The following ARHGAP32 variants were observed in gnomAD, a reference collection of about 807,000 sequenced individuals.
ARHGAP32 encodes Rho GTPase activating protein 32.
A neutral mutation model predicts 186.5 loss-of-function variants in ARHGAP32; 51 were observed. That is an observed-to-expected ratio of 0.27 (90% CI 0.22 to 0.35). The LOEUF (loss-of-function observed/expected upper bound fraction) is 0.35. Ranked by LOEUF, ARHGAP32 falls within the 10% of genes least tolerant of loss-of-function variation. The pLI is 1.00. For missense variants in ARHGAP32, 2,186 were observed against 2,623.5 expected (o/e 0.83, Z 3.64); for synonymous variants, 950 against 964.3 (o/e 0.99, Z 0.27).
intron 1 of ARHGAP32, among the ~76,000 whole-genome samples, chr11:129,228,773 T>C (rs1818750823): frequency 6.6e-6 from 1 of 152,140 alleles, no homozygotes; most frequent in South Asian, 2.1e-4. Flanking sequence ...ACCTAGGTGA[T>C]GGGTTGACAG....
rs117467787 is a variant in ARHGAP32, at chr11:129,244,249, A to C, written c.-5+34897T>G. Among the ~76,000 whole-genome samples the C allele has an allele frequency of 8.3e-4, 126 of 152,368 alleles. 2 individuals are homozygous for C. The East Asian group carries it at 0.018, about 22-fold the overall frequency. On this transcript the variant is annotated intron_variant, in intron 1 of 6. Coordinates refer to the ARHGAP32 transcript ENST00000525234. The stretch of plus-strand genomic sequence containing the variant: ...ACCCTGTCTCAGAAAAAAAGAAAGA[A>C]AACTGAGTCAGAGAGATAATTAACT...
intron 1 of ARHGAP32, among the ~76,000 whole-genome samples, chr11:129,209,717 C>T (rs1944557370): frequency 6.6e-6 from 1 of 151,248 alleles, no homozygotes; most frequent in Non-Finnish European, 1.5e-5. Flanking sequence ...TACATGATGG[C>T]AAAGAAAGTA....
intron 11 of ARHGAP32, among the ~76,000 whole-genome samples, chr11:129,040,169 T>C (rs1939534499): frequency 6.6e-6 from 1 of 151,772 alleles, no homozygotes; most frequent in African/African-American, 2.4e-5. Context: ...AACTAGAAAA[T>C]ACTATCATAA....
At chr11:129,114,573 G>T (rs1942313323) in intron 5 of ARHGAP32, among the ~76,000 whole-genome samples, 1 of 152,066 alleles carries the variant, frequency 6.6e-6, no homozygotes, top group Admixed American at 6.6e-5. Context: ...GAATATTAAT[G>T]TATTTTATGC....
At chr11:129,241,667 G>A (rs1012265846) in intron 1 of ARHGAP32, among the ~76,000 whole-genome samples, 1 of 151,920 alleles carries the variant, frequency 6.6e-6, no homozygotes, top group African/African-American at 2.4e-5. Flanking sequence ...ACCAAAAACA[G>A]GTAAGTAGAT....
At chr11:128,985,978 C>G (rs1945862158) in intron 15 of ARHGAP32, 25 bp downstream of exon 15, 1 of 1,574,010 alleles carries the variant, frequency 6.4e-7, no homozygotes, top group Non-Finnish European at 8.6e-7. Context: ...CTACCTCTGC[C>G]TGGTATTTAC....
At chr11:129,263,232 T>C (rs1945347720) in intron 1 of ARHGAP32, among the ~76,000 whole-genome samples, 1 of 152,056 alleles carries the variant, frequency 6.6e-6, no homozygotes. Context: ...AAAAATAAAC[T>C]AGACAACATT....
intron 6 of ARHGAP32, among the ~76,000 whole-genome samples, chr11:129,086,029 A>T (rs900956515): frequency 2.0e-5 from 3 of 151,344 alleles, no homozygotes; most frequent in Non-Finnish European, 4.4e-5. Context: ...AAAAAAAAAA[A>T]CAAAAAAAAG....
chr11:129,157,042 A>G (rs1943425330), intron 2 of ARHGAP32, among the ~76,000 whole-genome samples: 1 of 152,206 alleles, frequency 6.6e-6, no homozygotes, highest in African/African-American at 2.4e-5. Context: ...AACATTAACA[A>G]AAAGGACGTA....
At chr11:129,276,382 C>A (rs1315698650) in intron 1 of ARHGAP32, among the ~76,000 whole-genome samples, 1 of 152,138 alleles carries the variant, frequency 6.6e-6, no homozygotes, top group Non-Finnish European at 1.5e-5. Context: ...CTCACTGTAA[C>A]CCCTAATTCC....
intron 6 of ARHGAP32, among the ~76,000 whole-genome samples, chr11:129,069,812 G>T (rs1471062390): frequency 6.6e-6 from 1 of 151,926 alleles, no homozygotes; most frequent in East Asian, 1.9e-4. Context: ...CTGCAATTTG[G>T]TAGGCTCACA....
chr11:128,975,477 T>C (rs953681684), intron 20 of ARHGAP32, among the ~76,000 whole-genome samples: 8 of 152,284 alleles, frequency 5.3e-5, no homozygotes, highest in African/African-American at 1.7e-4. Context: ...TCTAAATAAA[T>C]TGAACTTCTC....
intron 10 of ARHGAP32, among the ~76,000 whole-genome samples, chr11:129,057,695 G>A (rs11825277): frequency 0.041 from 4,888 of 120,448 alleles, 275 homozygotes; most frequent in African/African-American, 0.16. Flanking sequence ...TTTCAATAGC[G>A]TTTGATAAAA....
At position 128,980,533 on chromosome 11, in the gene ARHGAP32, T is replaced by C. The variant is rs376024086; in HGVS notation, c.1976+20A>G. On this transcript the variant is annotated intron_variant, in intron 18 of 22. Transcript: ENST00000682385. ...TAGCTATGAAAATCATATCCCAAAA[T>C]AGGATTTAACAAATTTTACCTTTCA... 3.9e-5 allele frequency: 62 copies of C among 1,580,224 alleles called. No individual in the cohort carries two copies. Among genetic ancestry groups the C allele is most frequent in the East Asian group, 1.1e-4 (5 of 44,436 alleles).
At chr11:129,265,356 T>C (rs1198410332) in intron 1 of ARHGAP32, among the ~76,000 whole-genome samples, 2 of 152,210 alleles carry the variant, frequency 1.3e-5, no homozygotes, top group Non-Finnish European at 2.9e-5. Context: ...TAATTCTCTG[T>C]TGGGAGAGAA....
chr11:129,222,379 G>A (rs28593080), intron 1 of ARHGAP32, among the ~76,000 whole-genome samples: 43,262 of 152,016 alleles, frequency 0.28, 6,489 homozygotes, highest in Middle Eastern at 0.4. Context: ...AGGACACAAC[G>A]CTACTAAGTA....
At chr11:129,270,576 T>A (rs931494682) in intron 1 of ARHGAP32, among the ~76,000 whole-genome samples, 7 of 151,738 alleles carry the variant, frequency 4.6e-5, no homozygotes, top group African/African-American at 1.7e-4. Context: ...GTGATAATGA[T>A]GTTTCAATGT....
rs1465340047 is a variant in ARHGAP32 at position 129,185,987 on chromosome 11, G to A, written c.116+6096C>T. On this transcript the variant is annotated intron_variant, in intron 1 of 22. Transcript: ENST00000682385. ...TATCTGGGAAGGTTTTGCCTGCTCTGAATATCATCTTGCTAAGCTAGTCAC... is the reference window on the plus strand; with the variant it reads ...TATCTGGGAAGGTTTTGCCTGCTCTAAATATCATCTTGCTAAGCTAGTCAC... Among the ~76,000 whole-genome samples, 3 of 151,910 alleles carry A rather than the reference G, an allele frequency of 2.0e-5. No homozygotes were observed. The East Asian group carries it at 5.8e-4, about 29-fold the overall frequency.
chr11:129,124,291 A>G (rs1445623598), intron 3 of ARHGAP32, among the ~76,000 whole-genome samples: 2 of 152,268 alleles, frequency 1.3e-5, no homozygotes, highest in African/African-American at 4.8e-5. Context: ...CACTCACGTA[A>G]GGTCAGGTGT....
Sources: allele counts gnomAD v4.1 joint callset (sites outside exome capture counted in the v4.1 genomes callset), GRCh38; gene constraint gnomAD v4.1.1; transcripts MANE v1.5; gene names NCBI Gene and HGNC (gene_info 2026-07-23, HGNC 2026-07-21).